Variants in PCP4 observed in about 807,000 individuals in gnomAD.
PCP4 encodes the protein calmodulin regulator protein PCP4.
Under a neutral mutation model 10.0 loss-of-function variants are expected in PCP4, and 8 were observed. The observed-to-expected ratio is 0.80, with a 90% confidence interval of 0.47 to 1.45. The LOEUF is 1.45. PCP4 is among the 40% of genes most tolerant of loss of function. The probability of loss-of-function intolerance (pLI) is 0.00; values close to 1 mark genes in which losing one functional copy is unlikely to be tolerated. For synonymous variants in PCP4, 21 were observed against 23.0 expected, an observed-to-expected ratio of 0.91 and a Z score of 0.24; for missense variants, 54 against 74.4, an observed-to-expected ratio of 0.73 and a Z score of 1.01.
intron 2 of PCP4, among the ~76,000 whole-genome samples, chr21:39,927,323 A>ATCATCTATCTATCTGTCTG (rs1568863776): frequency 3.5e-5 from 1 of 28,228 alleles, no homozygotes; most frequent in African/African-American, 1.2e-4. Context: ...TCTATCTATC[A>ATCATCTATCTATCTGTCTG]TCTATCTATC....
chr21:39,868,698 C>T (rs1274304905), intron 1 of PCP4, among the ~76,000 whole-genome samples: 1 of 152,128 alleles, frequency 6.6e-6, no homozygotes, highest in African/African-American at 2.4e-5. Context: ...GCAGTGGGCA[C>T]CATTATTATT....
chr21:39,890,522 A>AT (rs60378259), intron 1 of PCP4, among the ~76,000 whole-genome samples: 9,942 of 142,812 alleles, frequency 0.07, 360 homozygotes, highest in East Asian at 0.086. Flanking sequence ...CACCCAGCTC[A>AT]TTTTTTTTTT....
chr21:39,900,672 A>G (rs1383595322), intron 2 of PCP4, among the ~76,000 whole-genome samples: 1 of 151,846 alleles, frequency 6.6e-6, no homozygotes, highest in East Asian at 2.0e-4. Flanking sequence ...AATGTCCCCA[A>G]TCCCCTGTAT....
At chr21:39,870,540 C>T (rs533629555) in intron 1 of PCP4, among the ~76,000 whole-genome samples, 3 of 152,310 alleles carry the variant, frequency 2.0e-5, no homozygotes, top group Admixed American at 1.3e-4. Context: ...CTTTGTTCAG[C>T]CACTTCATAG....
At chr21:39,898,580 G>A (rs747184398) in intron 2 of PCP4, 53 bp downstream of exon 2, 162 of 1,384,400 alleles carry the variant, frequency 1.2e-4, no homozygotes, top group Non-Finnish European at 1.3e-4. Context: ...CTGCAGCCCT[G>A]GGTATGCAGC....
At position 39,912,765 on chromosome 21, in the gene PCP4, C is replaced by T. The variant is rs547926768; in HGVS notation, c.61+14238C>T. ...TTGCTCTGTCTCCCAGGCTGGAGTG[C>T]AGTAGTGAGATCTTAGCTCACTCTA... On this transcript the variant is annotated intron_variant, in intron 2 of 2. Transcript: ENST00000328619. Among the ~76,000 whole-genome samples, 8 of 152,132 alleles carry T rather than the reference C, an allele frequency of 5.3e-5. No homozygotes were observed. The South Asian group carries it at 1.5e-3, about 28-fold the overall frequency.
At chr21:39,907,801 A>C (rs1169104847) in intron 2 of PCP4, among the ~76,000 whole-genome samples, 1 of 152,192 alleles carries the variant, frequency 6.6e-6, no homozygotes, top group Non-Finnish European at 1.5e-5. Flanking sequence ...TGTCTCAAAA[A>C]AAAAAAAGTG....
intron 1 of PCP4, among the ~76,000 whole-genome samples, chr21:39,875,906 T>G (rs2087343500): frequency 6.6e-6 from 1 of 152,142 alleles, no homozygotes; most frequent in African/African-American, 2.4e-5. Flanking sequence ...TTGGTAACTG[T>G]ACTTCTTTTT....
At chr21:39,890,356 CTATT>C (rs1254712714) in intron 1 of PCP4, among the ~76,000 whole-genome samples, 1 of 151,920 alleles carries the variant, frequency 6.6e-6, no homozygotes, top group Admixed American at 6.6e-5. Context: ...ATTTCGTTAT[CTATT>C]TATTTATTTA....
At chr21:39,923,776 G>A (rs1432946225) in intron 2 of PCP4, among the ~76,000 whole-genome samples, 4 of 152,170 alleles carry the variant, frequency 2.6e-5, no homozygotes, top group African/African-American at 4.8e-5. Flanking sequence ...CATTCGTTTC[G>A]TCCATACCAC....
chr21:39,916,762 G>T (rs1435136321), intron 2 of PCP4, among the ~76,000 whole-genome samples: 1 of 152,172 alleles, frequency 6.6e-6, no homozygotes. Context: ...ATACTATGCA[G>T]CTCTAAAAAA....
chr21:39,888,891 T>C (rs1055912993), intron 1 of PCP4, among the ~76,000 whole-genome samples: 14 of 152,232 alleles, frequency 9.2e-5, no homozygotes, highest in African/African-American at 3.1e-4. Flanking sequence ...GCTTTGCACA[T>C]TGGTAAAGGT....
chr21:39,900,223 C>G (rs1301887990), intron 2 of PCP4, among the ~76,000 whole-genome samples: 1 of 152,022 alleles, frequency 6.6e-6, no homozygotes, highest in South Asian at 2.1e-4. Flanking sequence ...TTAGTAGAGA[C>G]AGGATTTCAC....
At chr21:39,921,159 A>G (rs2087594972) in intron 2 of PCP4, among the ~76,000 whole-genome samples, 1 of 152,246 alleles carries the variant, frequency 6.6e-6, no homozygotes, top group Non-Finnish European at 1.5e-5. Context: ...GTAAACCAGC[A>G]GATTTTGCAA....
At chr21:39,920,457 T>TTG (rs918292158) in intron 2 of PCP4, among the ~76,000 whole-genome samples, 1 of 150,968 alleles carries the variant, frequency 6.6e-6, no homozygotes, top group Non-Finnish European at 1.5e-5. Flanking sequence ...TGTCGGTCTG[T>TTG]TGTGTGTGTG....
chr21:39,892,042 C>T (rs2087434975), intron 1 of PCP4, among the ~76,000 whole-genome samples: 2 of 152,194 alleles, frequency 1.3e-5, no homozygotes, highest in South Asian at 4.1e-4. Flanking sequence ...GCAGAGCGTT[C>T]CCTGACTCCT....
At chr21:39,925,932 T>C (rs986621304) in intron 2 of PCP4, 4 of 422,334 alleles carry the variant, frequency 9.5e-6, no homozygotes, top group African/African-American at 6.1e-5. Context: ...CCTACCTTTG[T>C]GCCTGCTGAA....
chr21:39,877,552 C>G (rs944882393), intron 1 of PCP4, among the ~76,000 whole-genome samples: 1 of 151,556 alleles, frequency 6.6e-6, no homozygotes, highest in Non-Finnish European at 1.5e-5. Context: ...AAAAAATTAG[C>G]CGGGTGTGGT....
intron 1 of PCP4, among the ~76,000 whole-genome samples, chr21:39,868,686 G>A (rs928745027): frequency 1.3e-5 from 2 of 152,170 alleles, no homozygotes; most frequent in Non-Finnish European, 2.9e-5. Flanking sequence ...CAACAACTCC[G>A]TGCAGTGGGC....
Sources: gnomAD v4.1 joint callset for allele counts (sites outside exome capture counted in the v4.1 genomes callset) on GRCh38, gnomAD v4.1.1 for gene constraint, MANE v1.5 for transcripts, NCBI Gene and HGNC (gene_info 2026-07-23, HGNC 2026-07-21) for gene names.